The following PDE1A variants were observed in gnomAD, a reference collection of about 807,000 sequenced individuals.
The protein encoded by PDE1A is phosphodiesterase 1A, also known as dual specificity calcium/calmodulin-dependent 3',5'-cyclic nucleotide phosphodiesterase 1A.
A neutral mutation model predicts 61.7 loss-of-function variants in PDE1A; 35 were observed. The observed-to-expected ratio is 0.57, with a 90% CI of 0.43 to 0.75. The LOEUF (loss-of-function observed/expected upper bound fraction) is 0.75. Ranked by LOEUF, PDE1A falls within the 30% of genes least tolerant of loss-of-function variation. PDE1A has a pLI of 0.00. For missense variants in PDE1A, 597 were observed against 630.6 expected, an observed-to-expected ratio of 0.95 and a Z score of 0.57; for synonymous variants, 232 against 213.2, an observed-to-expected ratio of 1.09 and a Z score of -0.77.
chr2:182,224,631 C>T (rs1405028627), intron 6 of PDE1A, among the ~76,000 whole-genome samples: 1 of 151,866 alleles, frequency 6.6e-6, no homozygotes, highest in African/African-American at 2.4e-5. Flanking sequence ...AAGTTCCCTG[C>T]TATTTTTAGT....
chr2:182,567,885 C>T, the PDE1A span, among the ~76,000 whole-genome samples: 2 of 150,972 alleles, frequency 1.3e-5, no homozygotes, highest in East Asian at 1.9e-4. Context: ...CTCTGCCTCC[C>T]GGGTTCAAGC....
At chr2:182,409,336 T>C (rs559625769) in intron 1 of PDE1A, among the ~76,000 whole-genome samples, 2 of 152,322 alleles carry the variant, frequency 1.3e-5, no homozygotes, top group African/African-American at 4.8e-5. Flanking sequence ...ACAAACTTAA[T>C]TAGATAACCA....
At chr2:182,240,189 T>A in exon 3 of PDE1A, 1 of 1,614,018 alleles carries the variant, frequency 6.2e-7, no homozygotes, top group Non-Finnish European at 8.5e-7. Flanking sequence ...TTTTTTGTCA[T>A]CCCCATTTTC....
At chr2:182,465,873 T>C (rs1380583726) in intron 2 of PDE1A, among the ~76,000 whole-genome samples, 1 of 152,122 alleles carries the variant, frequency 6.6e-6, no homozygotes, top group Non-Finnish European at 1.5e-5. Context: ...ATTCATTAAA[T>C]AAACAGTTTA....
the PDE1A span, among the ~76,000 whole-genome samples, chr2:182,644,587 G>A: frequency 3.9e-5 from 6 of 152,056 alleles, no homozygotes; most frequent in Non-Finnish European, 8.8e-5. Context: ...CTAGAAGATT[G>A]AGCTTCTGAC....
At chr2:182,397,226 C>T (rs567358897) in intron 1 of PDE1A, among the ~76,000 whole-genome samples, 6 of 152,186 alleles carry the variant, frequency 3.9e-5, no homozygotes, top group South Asian at 4.1e-4. Flanking sequence ...ATGAACCTAA[C>T]ATATTTGAGG....
chr2:182,158,924 TTTAG>T (rs1310025771), intron 13 of PDE1A, among the ~76,000 whole-genome samples: 2 of 152,124 alleles, frequency 1.3e-5, no homozygotes, highest in Admixed American at 1.3e-4. Context: ...GATCAAATAC[TTTAG>T]TTATACATTT....
At chr2:182,461,278 T>C (rs1004294100) in intron 2 of PDE1A, among the ~76,000 whole-genome samples, 8 of 152,108 alleles carry the variant, frequency 5.3e-5, no homozygotes, top group African/African-American at 1.7e-4. Context: ...CATGAAATAA[T>C]ATATTGTACA....
chr2:182,553,592 G>A, the PDE1A span, among the ~76,000 whole-genome samples: 3 of 152,332 alleles, frequency 2.0e-5, no homozygotes, highest in Admixed American at 1.3e-4. Context: ...ATAGTTGGGA[G>A]CATGTGGAGA....
intron 1 of PDE1A, among the ~76,000 whole-genome samples, chr2:182,371,495 T>C (rs1700127100): frequency 6.6e-6 from 1 of 152,154 alleles, no homozygotes; most frequent in African/African-American, 2.4e-5. Flanking sequence ...CCAATAAAAG[T>C]ACAAGCAGAC....
chr2:182,193,655 A>G (rs1407886341), intron 10 of PDE1A, among the ~76,000 whole-genome samples: 1 of 152,134 alleles, frequency 6.6e-6, no homozygotes, highest in Non-Finnish European at 1.5e-5. Flanking sequence ...CACGAAAAAC[A>G]TTTAAGCATT....
chr2:182,704,301 T>G, the PDE1A span, among the ~76,000 whole-genome samples: 19 of 152,158 alleles, frequency 1.2e-4, no homozygotes, highest in Non-Finnish European at 2.4e-4. Context: ...CTCCAGTAGT[T>G]TTGCCTCTCA....
chr2:182,462,148 C>A (rs900360503), intron 2 of PDE1A, among the ~76,000 whole-genome samples: 3 of 151,828 alleles, frequency 2.0e-5, no homozygotes, highest in East Asian at 3.9e-4. Flanking sequence ...CACACCGGGG[C>A]CTGTTGTGGG....
At chr2:182,688,838 A>G in the PDE1A span, among the ~76,000 whole-genome samples, 1 of 152,212 alleles carries the variant, frequency 6.6e-6, no homozygotes, top group African/African-American at 2.4e-5. Context: ...AGGAAGATCT[A>G]CCAAGCAAAT....
At chr2:182,654,296 C>T in the PDE1A span, among the ~76,000 whole-genome samples, 1 of 152,160 alleles carries the variant, frequency 6.6e-6, no homozygotes, top group Non-Finnish European at 1.5e-5. Context: ...GTTGTTGTTG[C>T]TTGGGTCAAA....
intron 2 of PDE1A, among the ~76,000 whole-genome samples, chr2:182,247,592 C>T (rs1031472956): frequency 6.6e-6 from 1 of 152,194 alleles, no homozygotes; most frequent in Non-Finnish European, 1.5e-5. Context: ...CTTCTTCCGT[C>T]TGATCAACAT....
At chr2:182,218,112 C>A (rs1156822652) in intron 7 of PDE1A, among the ~76,000 whole-genome samples, 2 of 150,188 alleles carry the variant, frequency 1.3e-5, no homozygotes, top group Non-Finnish European at 3.0e-5. Flanking sequence ...AGTTCATGTC[C>A]TTTGTAGGGA....
chr2:182,639,471 G>C, the PDE1A span, among the ~76,000 whole-genome samples: 3 of 152,164 alleles, frequency 2.0e-5, no homozygotes, highest in African/African-American at 7.2e-5. Context: ...AGGAGGTCGA[G>C]GCAGGAGAAT....
At chr2:182,297,517 G>A (rs947980247) in intron 1 of PDE1A, among the ~76,000 whole-genome samples, 1 of 152,192 alleles carries the variant, frequency 6.6e-6, no homozygotes, top group Non-Finnish European at 1.5e-5. Context: ...GGACAAATGT[G>A]AAAGTAACAG....
Sources: gnomAD v4.1 joint callset for allele counts (sites outside exome capture counted in the v4.1 genomes callset) on GRCh38, gnomAD v4.1.1 for gene constraint, MANE v1.5 for transcripts, NCBI Gene and HGNC (gene_info 2026-07-23, HGNC 2026-07-21) for gene names.